CDH2: variants seen among roughly 807,000 people sequenced by gnomAD.
The protein encoded by CDH2 is cadherin-2.
In CDH2, 17 loss-of-function variants were observed where a neutral mutation model predicts 92.0. The observed-to-expected ratio is 0.18, with a 90% CI of 0.13 to 0.28. The LOEUF (loss-of-function observed/expected upper bound fraction) is 0.28. CDH2 is among the 10% of genes least tolerant of loss of function. The probability of loss-of-function intolerance (pLI) is 1.00; values close to 1 mark genes in which losing one functional copy is unlikely to be tolerated. For synonymous variants in CDH2, 419 were observed against 415.9 expected (o/e 1.01, Z -0.09); for missense variants, 862 against 1,133.1 (o/e 0.76, Z 3.44).
intron 2 of CDH2, among the ~76,000 whole-genome samples, chr18:28,101,939 CCATCTCTGCCTA>C (rs2015233415): frequency 6.6e-6 from 1 of 152,110 alleles, no homozygotes; most frequent in African/African-American, 2.4e-5. Context: ...TCTGCCCTCT[CCATCTCTGCCTA>C]CATCTCTTCC....
Position 28,082,696 on chromosome 18 carries a change from T to C in CDH2, c.172+64977A>G, listed in dbSNP as rs1599086673. On this transcript the variant is annotated intron_variant, in intron 2 of 15. Coordinates refer to ENST00000269141, the MANE Select transcript of CDH2 (RefSeq NM_001792.5). ...TGTTTTATGACCACACAGCTGTTCC[T>C]TAAATAGTTGCTGCCTTAATTGAAC... Among the ~76,000 whole-genome samples the C allele has an allele frequency of 3.3e-5, 5 of 152,340 alleles. No individual in the cohort carries two copies. In the South Asian group the frequency reaches 1.0e-3, roughly 32 times the overall value.
At chr18:28,153,063 A>G (rs1248827393) in intron 1 of CDH2, among the ~76,000 whole-genome samples, 1 of 152,148 alleles carries the variant, frequency 6.6e-6, no homozygotes, top group African/African-American at 2.4e-5. Context: ...AAGCAGAAAG[A>G]ATGGGATGAT....
intron 2 of CDH2, among the ~76,000 whole-genome samples, chr18:28,055,869 T>C (rs1199057614): frequency 6.6e-6 from 1 of 152,146 alleles, no homozygotes; most frequent in Non-Finnish European, 1.5e-5. Context: ...AACTCTGAAA[T>C]GTGTATACAG....
chr18:28,154,581 A>G (rs2016178959), intron 1 of CDH2, among the ~76,000 whole-genome samples: 2 of 152,170 alleles, frequency 1.3e-5, no homozygotes, highest in African/African-American at 2.4e-5. Context: ...TCGCAGGGAC[A>G]TTGTTTTTGT....
chr18:28,176,977 C>A lies in CDH2; in HGVS notation c.46G>T (p.Ala16Ser). The A allele has an allele frequency of 7.0e-7, 1 of 1,436,476 alleles. No homozygotes were observed. Among genetic ancestry groups the A allele is most frequent in the Non-Finnish European group, 9.1e-7 (1 of 1,093,680 alleles). The allele number at this position is 1,436,476 out of a possible 1,614,324, so 89.0% of individuals were successfully genotyped here. Residue 16 changes from alanine to serine, a missense_variant, in exon 1 of 16, where the codon GCG (alanine) becomes TCG (serine). Coordinates refer to ENST00000269141, the MANE Select transcript of CDH2 (RefSeq NM_001792.5). The part of the protein sequence containing the change: ...GALRTLLPLL[A>S]ALLQASVEAS... ...CCGCCGCGTACCTGAAGCAGGGCCG[C>A]CAGCAGCGGCAGCAGGGTCCGCAGC...
intron 2 of CDH2, among the ~76,000 whole-genome samples, chr18:28,058,191 TA>T (rs1359802762): frequency 1.3e-5 from 2 of 152,250 alleles, no homozygotes; most frequent in Non-Finnish European, 2.9e-5. Context: ...AAACCTCATG[TA>T]TCACCCATTC....
In CDH2 at chr18:27,966,143, TATTCA is replaced by T. The variant is rs576583323; in HGVS notation, c.2350-2627_2350-2623del. Among the ~76,000 whole-genome samples, 317 of 152,244 alleles carry T rather than the reference TATTCA, an allele frequency of 2.1e-3. 2 individuals carry two copies. The highest frequency in any genetic ancestry group is 7.3e-3 in the African/African-American group (304 of 41,534). The stretch of plus-strand genomic sequence containing the variant: ...TGAACTATGAATAAGTATGCATTCT[TATTCA>T]ATTACCAAAGCTGTCCTTAAAATGG... On this transcript the variant is annotated intron_variant, in intron 14 of 15. Coordinates refer to ENST00000269141, the MANE Select transcript of CDH2 (RefSeq NM_001792.5).
At chr18:28,074,165 A>C (rs2144174349) in intron 2 of CDH2, among the ~76,000 whole-genome samples, 1 of 152,278 alleles carries the variant, frequency 6.6e-6, no homozygotes, top group Middle Eastern at 3.4e-3. Flanking sequence ...AGTCATGTAA[A>C]GGTGAACTTA....
intron 14 of CDH2, among the ~76,000 whole-genome samples, chr18:27,979,406 G>A (rs894722298): frequency 3.3e-5 from 5 of 152,156 alleles, no homozygotes; most frequent in African/African-American, 1.2e-4. Context: ...TCAATTGTAT[G>A]ATCACTTTGG....
At chr18:28,001,267 G>C (rs1480831791) in intron 7 of CDH2, among the ~76,000 whole-genome samples, 1 of 152,082 alleles carries the variant, frequency 6.6e-6, no homozygotes, top group Admixed American at 6.5e-5. Flanking sequence ...TTTTAAACAT[G>C]GTTGGTCTGT....
At chr18:28,113,439 C>A in intron 2 of CDH2, among the ~76,000 whole-genome samples, 1 of 138,700 alleles carries the variant, frequency 7.2e-6, no homozygotes, top group Non-Finnish European at 1.5e-5. Context: ...ATCTGGAATG[C>A]AGAAGTGTCA....
At chr18:27,989,055 T>A (rs1435103742) in intron 10 of CDH2, among the ~76,000 whole-genome samples, 1 of 152,152 alleles carries the variant, frequency 6.6e-6, no homozygotes, top group East Asian at 1.9e-4. Context: ...TTAAGAGAAA[T>A]TATAATAGAA....
intron 2 of CDH2, among the ~76,000 whole-genome samples, chr18:28,035,882 C>T (rs894822428): frequency 2.0e-5 from 3 of 152,024 alleles, no homozygotes. Flanking sequence ...GCAAGGAAGA[C>T]ACACCTGTAT....
At chr18:28,008,558 A>T (rs1197442499) in intron 5 of CDH2, among the ~76,000 whole-genome samples, 1 of 152,118 alleles carries the variant, frequency 6.6e-6, no homozygotes, top group Non-Finnish European at 1.5e-5. Flanking sequence ...GAACACTTAG[A>T]CACAGGGTGG....
chr18:28,066,217 A>G (rs2014503917), intron 2 of CDH2, among the ~76,000 whole-genome samples: 1 of 152,212 alleles, frequency 6.6e-6, no homozygotes. Context: ...CACAGGAAGA[A>G]GAAAAAAACT....
At chr18:28,036,669 T>C (rs903191612) in intron 2 of CDH2, 1 of 715,718 alleles carries the variant, frequency 1.4e-6, no homozygotes, top group African/African-American at 1.8e-5. Context: ...ATGCAGCTTT[T>C]TATAACTGGA....
At chr18:27,945,350 T>TTTG in intron 6 of CDH2, among the ~76,000 whole-genome samples, 1 of 131,276 alleles carries the variant, frequency 7.6e-6, no homozygotes, top group East Asian at 2.1e-4. Context: ...TTTTTTTTTT[T>TTTG]GCTGTTTGCT....
intron 2 of CDH2, among the ~76,000 whole-genome samples, chr18:28,050,956 T>A (rs2014179147): frequency 6.6e-6 from 1 of 152,234 alleles, no homozygotes; most frequent in Non-Finnish European, 1.5e-5. Context: ...AGACTTTTAT[T>A]TTTAAAAATA....
chr18:28,124,306 A>C (rs1414364677), intron 2 of CDH2, among the ~76,000 whole-genome samples: 1 of 152,166 alleles, frequency 6.6e-6, no homozygotes, highest in African/African-American at 2.4e-5. Flanking sequence ...TTCTCATTCA[A>C]AATAAGCCTG....
Sources: allele counts gnomAD v4.1 joint callset (sites outside exome capture counted in the v4.1 genomes callset), GRCh38; gene constraint gnomAD v4.1.1; transcripts MANE v1.5; gene names NCBI Gene and HGNC (gene_info 2026-07-23, HGNC 2026-07-21).